SHISA9: variants seen among roughly 807,000 people sequenced by gnomAD.
SHISA9 encodes protein shisa-9.
In SHISA9, 13 loss-of-function variants were observed where a neutral mutation model predicts 38.0. The ratio of observed to expected loss-of-function variants is 0.34; its 90% CI spans 0.22 to 0.54. SHISA9 has a LOEUF of 0.54. Among genes scored for constraint, SHISA9 ranks in the 20% least tolerant of loss-of-function variants. The probability of loss-of-function intolerance (pLI) is 0.91; values close to 1 mark genes in which losing one functional copy is unlikely to be tolerated. For missense variants in SHISA9, 538 were observed against 575.8 expected (o/e 0.93, Z 0.67); for synonymous variants, 275 against 242.0 (o/e 1.14, Z -1.27).
At chr16:13,119,484 A>G (rs1307487130) in intron 2 of SHISA9, among the ~76,000 whole-genome samples, 1 of 152,228 alleles carries the variant, frequency 6.6e-6, no homozygotes, top group Non-Finnish European at 1.5e-5. Context: ...ATGTTTATTA[A>G]TTAGTAATAA....
chr16:13,250,205 A>C, the SHISA9 span, among the ~76,000 whole-genome samples: 1 of 152,218 alleles, frequency 6.6e-6, no homozygotes, highest in Non-Finnish European at 1.5e-5. Flanking sequence ...GGGGAATTCA[A>C]CTGGACCCAG....
chr16:13,053,444 T>C (rs2073275480), intron 2 of SHISA9, among the ~76,000 whole-genome samples: 1 of 152,220 alleles, frequency 6.6e-6, no homozygotes, highest in African/African-American at 2.4e-5. Context: ...GCAACCATGT[T>C]AACCCCTTAC....
At chr16:13,525,590 A>C in the SHISA9 span, among the ~76,000 whole-genome samples, 1 of 152,220 alleles carries the variant, frequency 6.6e-6, no homozygotes, top group East Asian at 1.9e-4. Context: ...ATTTCTTACC[A>C]CATCCACCCA....
chr16:12,968,189 CAAAAAAAAAAAAAAA>C (rs200194973), intron 2 of SHISA9, among the ~76,000 whole-genome samples: 8 of 82,050 alleles, frequency 9.8e-5, no homozygotes, highest in South Asian at 4.2e-4. Context: ...GGCTCCATCT[CAAAAAAAAAAAAAAA>C]AAAAAAAAAA....
chr16:13,029,815 C>T (rs1452026034), intron 2 of SHISA9, among the ~76,000 whole-genome samples: 2 of 152,204 alleles, frequency 1.3e-5, no homozygotes, highest in African/African-American at 2.4e-5. Flanking sequence ...ACATCCATCT[C>T]GTCACTTTTG....
downstream of SHISA9, among the ~76,000 whole-genome samples, chr16:13,242,344 G>A (rs1386141990): frequency 6.6e-6 from 1 of 152,136 alleles, no homozygotes; most frequent in East Asian, 1.9e-4. Flanking sequence ...GAGGAGATGG[G>A]GCCCAGGGTC....
rs747887117 is a variant in SHISA9 at position 13,235,015 on chromosome 16, C to G, written c.896-15C>G. 14 of 1,524,528 alleles carry G rather than the reference C, an allele frequency of 9.2e-6. No homozygotes were observed. The highest frequency in any genetic ancestry group is 1.2e-5 in the Non-Finnish European group (13 of 1,130,106). 94.4% of individuals were successfully genotyped at this position (1,524,528 alleles called of 1,614,324 possible). On this transcript the variant is annotated splice_polypyrimidine_tract_variant and intron_variant, in intron 4 of 4. Transcript: ENST00000558583. ...TCTTTCTTCCCCTTCTTCATCCACC[C>G]GTTCCGATGTGTAGCTGACAAGGTC...
At chr16:13,005,038 G>A (rs924906812) in intron 2 of SHISA9, among the ~76,000 whole-genome samples, 1 of 151,702 alleles carries the variant, frequency 6.6e-6, no homozygotes, top group African/African-American at 2.4e-5. Context: ...ATTTATGAGG[G>A]TGGGAGAGAG....
At chr16:13,509,611 A>T in the SHISA9 span, among the ~76,000 whole-genome samples, 1 of 152,200 alleles carries the variant, frequency 6.6e-6, no homozygotes, top group Non-Finnish European at 1.5e-5. Context: ...GAATTTGCCC[A>T]TGGATCTCAA....
chr16:13,531,771 C>A, the SHISA9 span, among the ~76,000 whole-genome samples: 2 of 151,966 alleles, frequency 1.3e-5, no homozygotes, highest in African/African-American at 4.8e-5. Flanking sequence ...AATGGTGGGG[C>A]GGTGTGGGGG....
chr16:13,556,168 A>C, the SHISA9 span, among the ~76,000 whole-genome samples: 2 of 152,190 alleles, frequency 1.3e-5, no homozygotes, highest in Non-Finnish European at 1.5e-5. Flanking sequence ...ACACACCATC[A>C]ATCAGTTTTG....
chr16:13,267,398 C>T, the SHISA9 span, among the ~76,000 whole-genome samples: 1 of 152,128 alleles, frequency 6.6e-6, no homozygotes, highest in African/African-American at 2.4e-5. Context: ...ACTACCCAAA[C>T]TGATGGGGGT....
chr16:13,107,689 G>A (rs2073940711), intron 2 of SHISA9, among the ~76,000 whole-genome samples: 2 of 152,150 alleles, frequency 1.3e-5, no homozygotes, highest in African/African-American at 4.8e-5. Flanking sequence ...AGATTGATCA[G>A]GTAGGTTGGG....
chr16:13,080,179 C>T (rs981539872), intron 2 of SHISA9, among the ~76,000 whole-genome samples: 19 of 152,230 alleles, frequency 1.2e-4, no homozygotes, highest in African/African-American at 4.6e-4. Flanking sequence ...TGAGACCATC[C>T]TGGCTAACAT....
chr16:12,917,761 C>T (rs1244002633), intron 2 of SHISA9, among the ~76,000 whole-genome samples: 2 of 152,108 alleles, frequency 1.3e-5, no homozygotes, highest in Non-Finnish European at 2.9e-5. Flanking sequence ...TTAGTTGTGG[C>T]TGGAGGTTCC....
chr16:13,246,173 CCACG>C, the SHISA9 span: 1 of 152,206 alleles, frequency 6.6e-6, no homozygotes, highest in Admixed American at 6.5e-5. Context: ...CCCGTAATTC[CCACG>C]TGTTGTGGGA....
the SHISA9 span, among the ~76,000 whole-genome samples, chr16:13,523,455 G>C: frequency 6.6e-6 from 1 of 152,222 alleles, no homozygotes; most frequent in Non-Finnish European, 1.5e-5. Flanking sequence ...ACCTGAGACT[G>C]GGTAATTTAT....
At chr16:13,393,601 A>C in the SHISA9 span, among the ~76,000 whole-genome samples, 1 of 152,246 alleles carries the variant, frequency 6.6e-6, no homozygotes, top group South Asian at 2.1e-4. Context: ...CAAAGCCAAC[A>C]GGACTCTTAT....
the SHISA9 span, among the ~76,000 whole-genome samples, chr16:13,432,576 TGTTA>T: frequency 2.0e-5 from 3 of 152,378 alleles, no homozygotes; most frequent in East Asian, 1.9e-4. Flanking sequence ...TTTAGATTTC[TGTTA>T]GTTTGTTTTT....
Sources: allele counts gnomAD v4.1 joint callset (sites outside exome capture counted in the v4.1 genomes callset), GRCh38; gene constraint gnomAD v4.1.1; transcripts MANE v1.5; gene names NCBI Gene and HGNC (gene_info 2026-07-23, HGNC 2026-07-21).